Variants in MYBPC1 observed in about 807,000 individuals in gnomAD.
The protein encoded by MYBPC1 is myosin-binding protein C, slow-type.
MYBPC1 carries 52 observed loss-of-function variants against 147.1 expected under a neutral mutation model. The ratio of observed to expected loss-of-function variants is 0.35; its 90% confidence interval spans 0.28 to 0.45. The LOEUF is 0.45. Ranked by LOEUF, MYBPC1 falls within the 20% of genes least tolerant of loss-of-function variation. The probability of loss-of-function intolerance (pLI) is 1.00; values close to 1 mark genes in which losing one functional copy is unlikely to be tolerated. For synonymous variants in MYBPC1, 477 were observed against 475.9 expected, an observed-to-expected ratio of 1.00 and a Z score of -0.03; for missense variants, 1,228 against 1,440.3, an observed-to-expected ratio of 0.85 and a Z score of 2.39.
chr12:101,663,291 G>A lies in MYBPC1; in HGVS notation c.2222-135G>A, dbSNP rs535115220. The A allele has an allele frequency of 4.1e-4, 336 of 810,744 alleles. 4 individuals carry two copies. In the South Asian group the frequency reaches 4.5e-3, roughly 11 times the overall value. 50.2% of individuals were successfully genotyped at this position (810,744 alleles called of 1,614,324 possible). Reference sequence around the variant, plus strand: ...CCTTACACACATCCATGCTCAAGGTGTCTTAACTGAATTTCATTAAGATGT... The same window carrying A: ...CCTTACACACATCCATGCTCAAGGTATCTTAACTGAATTTCATTAAGATGT... On this transcript the variant is annotated intron_variant, in intron 21 of 31. Transcript: ENST00000361466.
chr12:101,649,114 T>G (rs1380241471), intron 14 of MYBPC1, 146 bp from the exon 15 acceptor site: 1 of 718,634 alleles, frequency 1.4e-6, no homozygotes, highest in Non-Finnish European at 2.4e-6. Context: ...CAGAGATTGA[T>G]TCGTACATTT....
rs755096005 is a variant in MYBPC1 at position 101,677,257 on chromosome 12, A to T, written c.2972A>T (p.His991Leu). ...TAGGAATGGTTTACTGTCATTGAGC[A>T]TTATCATCGAACCAGTGCCACCATT... ...KSMEWFTVIE[H>L]YHRTSATITE... Residue 991 changes from histidine to leucine, a missense_variant, in exon 27 of 32, where the codon CAT becomes CTT. Around this residue, in one of 2 missense-constraint regions of MYBPC1, gnomAD observed 1,077 missense variants for 1,314.2 expected, o/e 0.82. Coordinates refer to ENST00000361466, the MANE Select transcript of MYBPC1 (RefSeq NM_002465.4). The T allele has an allele frequency of 1.5e-5, 25 of 1,613,688 alleles. No individual in the cohort carries two copies. Among genetic ancestry groups the T allele is most frequent in the Non-Finnish European group, 2.1e-5 (25 of 1,179,700 alleles).
At chr12:101,651,725 G>T (rs1268428688) in intron 16 of MYBPC1, among the ~76,000 whole-genome samples, 1 of 152,098 alleles carries the variant, frequency 6.6e-6, no homozygotes, top group Non-Finnish European at 1.5e-5. Flanking sequence ...CGGATCAATT[G>T]AGCTCAGGAG....
chr12:101,674,802 G>A (rs1043363506), intron 25 of MYBPC1, among the ~76,000 whole-genome samples: 11 of 140,686 alleles, frequency 7.8e-5, no homozygotes, highest in African/African-American at 2.5e-4. Flanking sequence ...GGAGGAGACT[G>A]CTGTGAGCCA....
At chr12:101,664,606 T>A (rs1294920283) in intron 22 of MYBPC1, 1 of 152,214 alleles carries the variant, frequency 6.6e-6, no homozygotes, top group African/African-American at 2.4e-5. Flanking sequence ...AGAAAACTGC[T>A]GAAAAAGAAA....
At chr12:101,656,995 A>G (rs1315598394) in intron 18 of MYBPC1, among the ~76,000 whole-genome samples, 2 of 152,214 alleles carry the variant, frequency 1.3e-5, no homozygotes, top group African/African-American at 4.8e-5. Flanking sequence ...GTCATATAAT[A>G]TCTGCTCTCA....
chr12:101,649,822 A>G (rs1894032134), intron 15 of MYBPC1, among the ~76,000 whole-genome samples: 1 of 152,238 alleles, frequency 6.6e-6, no homozygotes, highest in Non-Finnish European at 1.5e-5. Flanking sequence ...AAAGGGCTCA[A>G]TTGAGAAGAT....
intron 23 of MYBPC1, 98 bp from the exon 24 acceptor site, chr12:101,670,223 C>A: frequency 1.1e-6 from 1 of 933,064 alleles, no homozygotes; most frequent in Non-Finnish European, 1.8e-6. Context: ...AGATATGCCA[C>A]AAGGGTACGC....
chr12:101,659,672 G>T lies in MYBPC1; in HGVS notation c.1768G>T (p.Ala590Ser), dbSNP rs1039693359. 2 of 1,613,962 alleles carry T rather than the reference G, an allele frequency of 1.2e-6. No individual in the cohort carries two copies. Among genetic ancestry groups the T allele is most frequent in the African/African-American group, 2.7e-5 (2 of 74,966 alleles). The stretch of plus-strand genomic sequence containing the variant: ...CACATTTTGTTTCTCCACTTCTTAG[G>T]CTATTATGGAAGGCAGTGGCCGGAT... ...PKAMWSRGDK[A>S]IMEGSGRIRT... Residue 590 changes from alanine to serine, a missense_variant and splice_region_variant, in exon 19 of 32, where the codon GCT becomes TCT. Transcript: ENST00000361466.
rs1465924859 is a variant in MYBPC1 at position 101,678,169 on chromosome 12, T to C, written c.3177T>C (p.Pro1059=). ...CAGAGGCACCCATGTTTACTCAGCC[T>C]TTGGTTAACACCTATGCCATAGCTG... is the stretch of plus-strand genomic sequence containing the variant. ...DFSEAPMFTQ[P]LVNTYAIAGY... The change falls in exon 28 of 32, where the codon CCT becomes CCC. Residue 1059 remains proline, a synonymous_variant. Coordinates refer to ENST00000361466, the MANE Select transcript of MYBPC1 (RefSeq NM_002465.4). The C allele has an allele frequency of 3.7e-6, 6 of 1,614,098 alleles. No individual in the cohort carries two copies. Among genetic ancestry groups the C allele is most frequent in the Non-Finnish European group, 5.1e-6 (6 of 1,179,922 alleles).
At chr12:101,670,052 T>C (rs1898284035) in intron 23 of MYBPC1, 1 of 545,042 alleles carries the variant, frequency 1.8e-6, no homozygotes, top group East Asian at 3.4e-5. Flanking sequence ...AAATACAAAG[T>C]TGCAATAAAG....
At chr12:101,647,966 T>C in intron 13 of MYBPC1, 79 bp from the exon 14 acceptor site, 1 of 1,187,020 alleles carries the variant, frequency 8.4e-7, no homozygotes, top group Non-Finnish European at 1.3e-6. Flanking sequence ...CTGTTGGTTT[T>C]TCATCTGTGA....
At chr12:101,692,783 C>G in the MYBPC1 span, among the ~76,000 whole-genome samples, 1 of 152,024 alleles carries the variant, frequency 6.6e-6, no homozygotes. Flanking sequence ...ACTTTTTTGA[C>G]ATTAGAGTAT....
chr12:101,679,748 A>G (rs932127922), intron 28 of MYBPC1, among the ~76,000 whole-genome samples: 4 of 152,242 alleles, frequency 2.6e-5, no homozygotes, highest in African/African-American at 9.6e-5. Context: ...ATTAAAAAAC[A>G]GTATCAGGAA....
chr12:101,684,512 A>G lies in MYBPC1; in HGVS notation c.*19+88A>G, dbSNP rs1951233491. Reference sequence around the variant, plus strand: ...TGGAGTATGGCATGATTTTCATTACATAATCCAATGAAAATAGACTTATTT... The same window carrying G: ...TGGAGTATGGCATGATTTTCATTACGTAATCCAATGAAAATAGACTTATTT... On this transcript the variant is annotated intron_variant, in intron 31 of 31. Transcript: ENST00000361466. 3 of 999,518 alleles carry G rather than the reference A, an allele frequency of 3.0e-6. No homozygotes were observed. In the African/African-American group the frequency reaches 4.8e-5, roughly 16 times the overall value. 61.9% of individuals were successfully genotyped at this position (999,518 alleles called of 1,614,324 possible).
Position 101,601,997 on chromosome 12 carries a change from A to G in MYBPC1, c.25+6902A>G, listed in dbSNP as rs74889326. 7.3e-3 allele frequency among the ~76,000 whole-genome samples: 1,105 copies of G among 152,274 alleles called. 32 individuals are homozygous for G. The South Asian group carries it at 0.099, about 14-fold the overall frequency. The stretch of plus-strand genomic sequence containing the variant: ...ATGTGTCTTGGCTTTTTCTTTATGC[A>G]TCTTAAATATTATGCATTATTAAAC... On this transcript the variant is annotated intron_variant, in intron 1 of 31. Transcript: ENST00000361466.
intron 30 of MYBPC1, among the ~76,000 whole-genome samples, chr12:101,684,096 T>A (rs1256936686): frequency 6.6e-6 from 1 of 152,172 alleles, no homozygotes; most frequent in Non-Finnish European, 1.5e-5. Flanking sequence ...GCTCTTACCA[T>A]AGATATTCAC....
At chr12:101,684,181 T>A (rs1340770269) in intron 30 of MYBPC1, among the ~76,000 whole-genome samples, 1 of 152,202 alleles carries the variant, frequency 6.6e-6, no homozygotes, top group African/African-American at 2.4e-5. Flanking sequence ...TACATATTAA[T>A]GATCCTTTTG....
Position 101,614,847 on chromosome 12 carries a change from C to T in MYBPC1, c.61+316C>T, listed in dbSNP as rs186187037. 7.1e-6 allele frequency: 3 copies of T among 422,000 alleles called. No homozygotes were observed. The East Asian group carries it at 1.5e-4, about 21-fold the overall frequency. The allele number at this position is 422,000 out of a possible 1,614,324, so 26.1% of individuals were successfully genotyped here. Reference sequence around the variant, plus strand: ...GGAGGCTGAGCCTCCATCCAAGGGGCTGAAGAATTTGTGAGGCTTTTTCCT... The same window carrying T: ...GGAGGCTGAGCCTCCATCCAAGGGGTTGAAGAATTTGTGAGGCTTTTTCCT... On this transcript the variant is annotated intron_variant, in intron 2 of 31. Coordinates refer to ENST00000361466, the MANE Select transcript of MYBPC1 (RefSeq NM_002465.4).
Sources: allele counts gnomAD v4.1 joint callset (sites outside exome capture counted in the v4.1 genomes callset), GRCh38; gene constraint gnomAD v4.1.1; regional missense constraint gnomAD v4.1.1; transcripts MANE v1.5; gene names NCBI Gene and HGNC (gene_info 2026-07-23, HGNC 2026-07-21).